Variants in RUNX1 observed in about 807,000 individuals in gnomAD.
The protein encoded by RUNX1 is runt-related transcription factor 1.
A neutral mutation model predicts 42.8 loss-of-function variants in RUNX1; 19 were observed. That is an observed-to-expected ratio of 0.44 (90% CI 0.31 to 0.65). RUNX1 has a LOEUF of 0.65. Ranked by LOEUF, RUNX1 falls within the 30% of genes least tolerant of loss-of-function variation. The pLI, the probability that RUNX1 is intolerant of heterozygous loss-of-function variation, is 0.07. For missense variants in RUNX1, 528 were observed against 672.0 expected, an observed-to-expected ratio of 0.79 and a Z score of 2.37; for synonymous variants, 271 against 289.4, an observed-to-expected ratio of 0.94 and a Z score of 0.64.
At chr21:34,954,468 A>C (rs1197199055) in intron 2 of RUNX1, among the ~76,000 whole-genome samples, 1 of 152,146 alleles carries the variant, frequency 6.6e-6, no homozygotes, top group African/African-American at 2.4e-5. Flanking sequence ...CCAGGGGCTA[A>C]CGATGCTAGG....
rs536386769 is a variant in RUNX1, at chr21:34,873,968, T to C, written c.508+6589A>G. Among the ~76,000 whole-genome samples, 129 of 152,316 alleles carry C rather than the reference T, an allele frequency of 8.5e-4. 1 individual carries two copies. The highest frequency in any genetic ancestry group is 4.1e-4 in the South Asian group (2 of 4,826). ...GACAAAACGAGCGCATGTCATAGTA[T>C]TCATAGGCAGCTCATTAAATCCACA... On this transcript the variant is annotated intron_variant, in intron 5 of 8. Transcript: ENST00000675419.
At chr21:35,006,688 A>G (rs927013904) in intron 2 of RUNX1, among the ~76,000 whole-genome samples, 3 of 152,186 alleles carry the variant, frequency 2.0e-5, no homozygotes, top group African/African-American at 7.2e-5. Flanking sequence ...TATCGTTATT[A>G]ATATTTCCTT....
intron 2 of RUNX1, among the ~76,000 whole-genome samples, chr21:34,938,910 C>T (rs546795674): frequency 6.6e-6 from 1 of 152,224 alleles, no homozygotes; most frequent in South Asian, 2.1e-4. Context: ...ACCTATGTGT[C>T]AAAGTGTTGA....
intron 2 of RUNX1, among the ~76,000 whole-genome samples, chr21:34,960,922 TTA>T (rs751381656): frequency 1.3e-5 from 2 of 152,166 alleles, no homozygotes; most frequent in African/African-American, 2.4e-5. Context: ...AGGTCCCCTC[TTA>T]TTCAGGAATT....
chr21:35,011,072 T>C (rs1479184117), intron 2 of RUNX1, among the ~76,000 whole-genome samples: 1 of 152,020 alleles, frequency 6.6e-6, no homozygotes, highest in Non-Finnish European at 1.5e-5. Context: ...GTTTCCAGAG[T>C]CGATTTGCTA....
rs2056430094 is a variant in RUNX1, at chr21:34,791,265, T to C, written c.*870A>G. The C allele has an allele frequency of 1.3e-5, 3 of 232,802 alleles. No individual in the cohort carries two copies. The highest frequency in any genetic ancestry group is 4.4e-5 in the African/African-American group (2 of 45,318). The allele number at this position is 232,802 out of a possible 1,614,324, so 14.4% of individuals were successfully genotyped here. A position where few individuals can be genotyped will look rare whatever the true frequency, so the allele number is the denominator to read the frequency against. On this transcript the variant is annotated 3_prime_UTR_variant, in exon 9 of 9. Coordinates refer to ENST00000675419, the MANE Select transcript of RUNX1 (RefSeq NM_001754.5). ...GTGATACATTTAACTTTGGCTACTATCAAGAACAAAAGAAAATGTAGTACT... is the reference window on the plus strand; with the variant it reads ...GTGATACATTTAACTTTGGCTACTACCAAGAACAAAAGAAAATGTAGTACT...
intron 2 of RUNX1, among the ~76,000 whole-genome samples, chr21:34,934,648 C>T (rs943182674): frequency 2.6e-5 from 4 of 152,124 alleles, no homozygotes; most frequent in African/African-American, 7.2e-5. Context: ...TAAAACCATT[C>T]CAGAGAAGCA....
chr21:34,881,539 G>A (rs1820928844), intron 4 of RUNX1, among the ~76,000 whole-genome samples: 3 of 152,172 alleles, frequency 2.0e-5, no homozygotes, highest in Admixed American at 6.5e-5. Context: ...TCAATTCAGG[G>A]GTGGAATTGG....
chr21:34,891,124 G>C (rs1184260698), intron 3 of RUNX1, among the ~76,000 whole-genome samples: 1 of 152,206 alleles, frequency 6.6e-6, no homozygotes, highest in African/African-American at 2.4e-5. Context: ...CGGGGGCTGC[G>C]AGTCGGACTC....
chr21:34,855,671 T>C (rs1362115253), intron 6 of RUNX1, among the ~76,000 whole-genome samples: 2 of 152,168 alleles, frequency 1.3e-5, no homozygotes, highest in African/African-American at 4.8e-5. Flanking sequence ...ATTGTGCCAC[T>C]GCACCCCAGC....
intron 7 of RUNX1, among the ~76,000 whole-genome samples, chr21:34,825,872 GGAA>G (rs998428173): frequency 4.6e-5 from 7 of 152,154 alleles, no homozygotes; most frequent in Non-Finnish European, 8.8e-5. Context: ...ATATAAAGAG[GGAA>G]GAAGAAGTTG....
At chr21:34,810,572 C>G (rs2056745051) in intron 7 of RUNX1, among the ~76,000 whole-genome samples, 2 of 152,170 alleles carry the variant, frequency 1.3e-5, no homozygotes, top group Admixed American at 6.5e-5. Flanking sequence ...GTTCTGCAGT[C>G]TGAGAGGTAA....
At chr21:34,805,876 AATG>A (rs1256293565) in intron 7 of RUNX1, among the ~76,000 whole-genome samples, 1 of 152,240 alleles carries the variant, frequency 6.6e-6, no homozygotes, top group Non-Finnish European at 1.5e-5. Context: ...AAAAGGCAGT[AATG>A]ATATAAACAG....
intron 7 of RUNX1, among the ~76,000 whole-genome samples, chr21:34,816,226 A>C (rs964239301): frequency 6.6e-6 from 1 of 152,230 alleles, no homozygotes; most frequent in Admixed American, 6.5e-5. Context: ...GGAGCAAGGA[A>C]AAATCCTTCC....
At chr21:34,827,410 T>C (rs188993652) in intron 7 of RUNX1, among the ~76,000 whole-genome samples, 8 of 152,278 alleles carry the variant, frequency 5.3e-5, no homozygotes, top group Non-Finnish European at 7.4e-5. Flanking sequence ...CCTGGCCATG[T>C]AAAGAGTGAA....
intron 2 of RUNX1, among the ~76,000 whole-genome samples, chr21:35,046,963 G>A (rs1010184802): frequency 6.6e-6 from 1 of 151,996 alleles, no homozygotes; most frequent in African/African-American, 2.4e-5. Flanking sequence ...AGTGTCCATC[G>A]GGCACAGGAG....
intron 2 of RUNX1, among the ~76,000 whole-genome samples, chr21:35,001,520 T>C (rs573645600): frequency 2.0e-5 from 3 of 152,184 alleles, no homozygotes; most frequent in African/African-American, 7.2e-5. Flanking sequence ...AGCTCATATA[T>C]AGAAACCCAC....
At chr21:34,949,414 T>C (rs537158968) in intron 2 of RUNX1, among the ~76,000 whole-genome samples, 29 of 152,374 alleles carry the variant, frequency 1.9e-4, no homozygotes, top group African/African-American at 7.0e-4. Context: ...ATTGTGTTTG[T>C]CATTTTTAAA....
At chr21:34,822,262 T>TAAC in intron 7 of RUNX1, among the ~76,000 whole-genome samples, 1 of 152,194 alleles carries the variant, frequency 6.6e-6, no homozygotes, top group Non-Finnish European at 1.5e-5. Context: ...AGGCAGGACC[T>TAAC]TCCGGGCAAT....
Sources: gnomAD v4.1 joint callset for allele counts (sites outside exome capture counted in the v4.1 genomes callset) on GRCh38, gnomAD v4.1.1 for gene constraint, MANE v1.5 for transcripts, NCBI Gene and HGNC (gene_info 2026-07-23, HGNC 2026-07-21) for gene names.